PEX1: variants seen among roughly 807,000 people sequenced by gnomAD.
The protein encoded by PEX1 is peroxisomal biogenesis factor 1, also known as peroxisomal ATPase PEX1.
A neutral mutation model predicts 152.5 loss-of-function variants in PEX1; 97 were observed. The observed-to-expected ratio is 0.64, with a 90% confidence interval of 0.54 to 0.75. The LOEUF is 0.75. Among genes scored for constraint, PEX1 ranks in the 30% least tolerant of loss-of-function variants. PEX1 has a pLI of 0.00. For synonymous variants in PEX1, 485 were observed against 531.6 expected (o/e 0.91, Z 1.21); for missense variants, 1,357 against 1,516.3 (o/e 0.89, Z 1.74).
At chr7:92,494,932 C>G (rs925835069) in intron 17 of PEX1, among the ~76,000 whole-genome samples, 1 of 151,658 alleles carries the variant, frequency 6.6e-6, no homozygotes, top group Non-Finnish European at 1.5e-5. Flanking sequence ...TTATTAAGAC[C>G]CATGCCTTCT....
chr7:92,506,753 A>G, intron 10 of PEX1: 1 of 555,178 alleles, frequency 1.8e-6, no homozygotes, highest in Non-Finnish European at 3.2e-6. Context: ...ATATAATTGT[A>G]TCAACTGACA....
Position 92,505,021 on chromosome 7 carries a change from T to C in PEX1, c.1901-119A>G, listed in dbSNP as rs550658426. 8.3e-4 allele frequency: 624 copies of C among 754,544 alleles called. 3 individuals carry two copies. Among genetic ancestry groups the C allele is most frequent in the South Asian group, 5.5e-3 (362 of 66,116 alleles). The allele number at this position is 754,544 out of a possible 1,614,324, so 46.7% of individuals were successfully genotyped here. On this transcript the variant is annotated intron_variant, in intron 11 of 23. Coordinates refer to ENST00000248633, the MANE Select transcript of PEX1 (RefSeq NM_000466.3). The stretch of plus-strand genomic sequence containing the variant: ...GATTTAACTATAAAAATTTGATCTA[T>C]ATTTTATTAATATACCCATCACAAA...
In PEX1 at chr7:92,489,431, A is replaced by T. The variant is rs778635449; in HGVS notation, c.3637-8T>A. The T allele has an allele frequency of 6.2e-7, 1 of 1,609,652 alleles. No individual in the cohort carries two copies. Among genetic ancestry groups the T allele is most frequent in the East Asian group, 2.2e-5 (1 of 44,818 alleles). ...GTTCATGGATTCGTCCTCCTTAAGT[A>T]AAAAAAGAAATTGACGAAGAGTTAA... On this transcript the variant is annotated splice_region_variant and splice_polypyrimidine_tract_variant and intron_variant, in intron 22 of 23. Transcript: ENST00000248633.
chr7:92,528,457 G>C lies in PEX1; in HGVS notation c.-22C>G. 1 of 1,568,888 alleles carries C rather than the reference G, an allele frequency of 6.4e-7. No individual in the cohort carries two copies. The highest frequency in any genetic ancestry group is 8.6e-7 in the Non-Finnish European group (1 of 1,159,838). On this transcript the variant is annotated 5_prime_UTR_variant, in exon 1 of 24. Coordinates refer to ENST00000248633, the MANE Select transcript of PEX1 (RefSeq NM_000466.3). The stretch of plus-strand genomic sequence containing the variant: ...ACATCGTCCCGGAGCGTCGCTCTGG[G>C]TTCGCCCACCCTAGCGCCGCAAAGG...
chr7:92,508,590 ATTT>A (rs200713968), intron 9 of PEX1, among the ~76,000 whole-genome samples: 3 of 152,094 alleles, frequency 2.0e-5, no homozygotes, highest in African/African-American at 7.2e-5. Flanking sequence ...TGCTATAAAC[ATTT>A]TGACTTTATC....
intron 2 of PEX1, among the ~76,000 whole-genome samples, chr7:92,520,519 T>C (rs1050170225): frequency 6.6e-6 from 1 of 152,256 alleles, no homozygotes; most frequent in Non-Finnish European, 1.5e-5. Context: ...GAGAGCAATG[T>C]AGCCCCATCT....
At chr7:92,500,143 C>CT (rs1791856201) in intron 15 of PEX1, among the ~76,000 whole-genome samples, 1 of 152,158 alleles carries the variant, frequency 6.6e-6, no homozygotes, top group African/African-American at 2.4e-5. Flanking sequence ...ACAAACCAAT[C>CT]TTTTAACAAG....
intron 5 of PEX1, among the ~76,000 whole-genome samples, chr7:92,516,597 A>G (rs994906445): frequency 2.6e-5 from 4 of 152,050 alleles, no homozygotes; most frequent in Admixed American, 6.6e-5. Flanking sequence ...TCCTCTCTTT[A>G]TCACTATGAA....
intron 6 of PEX1, among the ~76,000 whole-genome samples, chr7:92,512,389 G>C (rs1248756320): frequency 6.6e-6 from 1 of 152,194 alleles, no homozygotes; most frequent in Non-Finnish European, 1.5e-5. Context: ...CACAATCATA[G>C]CTCACTGCAG....
chr7:92,516,191 C>A (rs771585980), intron 5 of PEX1, among the ~76,000 whole-genome samples: 2 of 151,494 alleles, frequency 1.3e-5, no homozygotes, highest in Admixed American at 1.3e-4. Context: ...TTTGGGAGGC[C>A]GAGGCAGGCA....
intron 15 of PEX1, among the ~76,000 whole-genome samples, chr7:92,500,064 T>C (rs566224122): frequency 1.3e-4 from 20 of 152,334 alleles, no homozygotes; most frequent in Admixed American, 3.3e-4. Flanking sequence ...ACATTCTATA[T>C]AAAATGCATA....
Position 92,489,867 on chromosome 7 carries a change from C to G in PEX1, c.3483G>C (p.Leu1161Phe), listed in dbSNP as rs375607384. ...LSAPSSMTQD[L>F]PGVPGKDQLF... Reference sequence around the variant, plus strand: ...ACTGGTCTTTCCCAGGAACTCCAGGCAAATCCTGAGTCATGGAGCTTGGTG... The same window carrying G: ...ACTGGTCTTTCCCAGGAACTCCAGGGAAATCCTGAGTCATGGAGCTTGGTG... Residue 1161 changes from leucine (L) to phenylalanine (F), a missense_variant, in exon 22 of 24, where the codon TTG becomes TTC. Physicochemically the swap from Leu to Phe is conservative, Grantham distance 22 (BLOSUM62 0). Coordinates refer to ENST00000248633, the MANE Select transcript of PEX1 (RefSeq NM_000466.3). The G allele has an allele frequency of 2.7e-5, 44 of 1,613,926 alleles. No homozygotes were observed. In the Middle Eastern group the frequency reaches 9.9e-4, roughly 36 times the overall value.
rs1793077054 is a variant in PEX1, at chr7:92,522,157, A to G, written c.218T>C (p.Val73Ala). Residue 73 changes from valine (V) to alanine (A), a missense_variant, in exon 2 of 24, where the codon GTG becomes GCG. By Grantham distance (64) the Val-to-Ala change is moderately conservative. Transcript: ENST00000248633. Reference protein sequence around the residue: ...GRHFSDQGENVAEINRQVGQK... With the variant: ...GRHFSDQGENAAEINRQVGQK... ...ACCAACTTGTCTGTTAATTTCAGCC[A>G]CATTTTCACCTTGATCACTAAAATG... 4 of 1,614,144 alleles carry G rather than the reference A, an allele frequency of 2.5e-6. No homozygotes were observed. The highest frequency in any genetic ancestry group is 3.4e-6 in the Non-Finnish European group (4 of 1,179,994).
At chr7:92,504,589 C>T (rs1382194015) in intron 12 of PEX1, 143 bp downstream of exon 12, 11 of 831,164 alleles carry the variant, frequency 1.3e-5, no homozygotes, top group East Asian at 1.1e-4. Flanking sequence ...TATAGGACAA[C>T]TGTAGAATGC....
Position 92,506,972 on chromosome 7 carries a change from T to G in PEX1, c.1803+22A>C, listed in dbSNP as rs143167106. On this transcript the variant is annotated intron_variant, in intron 10 of 23. Transcript: ENST00000248633. ...AAAGTTATTAAATGTTACAGAAAAA[T>G]GAACACACCTTAACCACTTACCTTT... 1,036 of 1,612,574 alleles carry G rather than the reference T, an allele frequency of 6.4e-4. 10 individuals carry two copies. The African/African-American group carries it at 0.013, about 20-fold the overall frequency.
rs1428809836 is a variant in PEX1 at position 92,504,638 on chromosome 7, A to G, written c.2071+94T>C. On this transcript the variant is annotated intron_variant, in intron 12 of 23. Coordinates refer to ENST00000248633, the MANE Select transcript of PEX1 (RefSeq NM_000466.3). ...AAACACAACACTTAACATAACACATATATTATTCTCTGAAGAGAGTAGATT... is the reference window on the plus strand; with the variant it reads ...AAACACAACACTTAACATAACACATGTATTATTCTCTGAAGAGAGTAGATT... 5.6e-6 allele frequency: 7 copies of G among 1,241,098 alleles called. No homozygotes were observed. In the African/African-American group the frequency reaches 8.9e-5, roughly 16 times the overall value. 76.9% of individuals were successfully genotyped at this position (1,241,098 alleles called of 1,614,324 possible).
chr7:92,512,770 G>T (rs1792537920), intron 6 of PEX1, among the ~76,000 whole-genome samples: 1 of 152,084 alleles, frequency 6.6e-6, no homozygotes, highest in Non-Finnish European at 1.5e-5. Flanking sequence ...GATAACAGGC[G>T]TGAGCTACCA....
chr7:92,521,007 C>T (rs542618835), intron 2 of PEX1, among the ~76,000 whole-genome samples: 16 of 152,258 alleles, frequency 1.1e-4, no homozygotes, highest in Non-Finnish European at 1.9e-4. Flanking sequence ...TAGGGTCTTG[C>T]TATTGCCCGG....
At position 92,501,660 on chromosome 7, in the gene PEX1, T is replaced by G; in HGVS notation, c.2430A>C (p.Thr810=). 1 of 1,613,450 alleles carries G rather than the reference T, an allele frequency of 6.2e-7. No individual in the cohort carries two copies. Among genetic ancestry groups the G allele is most frequent in the East Asian group, 2.2e-5 (1 of 44,868 alleles). The change falls in exon 15 of 24, where the codon ACA becomes ACC. Residue 810 remains threonine (T), a synonymous_variant. Transcript: ENST00000248633. ...SISTREKLVL[T]TLDFQKALRG... ...GGAGAGCCTTTTGGAAGTCCAATGT[T>G]GTTAAAACTAATTCTGTTTAAAAAT...
Sources: allele counts gnomAD v4.1 joint callset (sites outside exome capture counted in the v4.1 genomes callset), GRCh38; gene constraint gnomAD v4.1.1; transcripts MANE v1.5; gene names NCBI Gene and HGNC (gene_info 2026-07-23, HGNC 2026-07-21).